The following HMMR variants were observed in gnomAD, a reference collection of about 807,000 sequenced individuals.
HMMR encodes hyaluronan mediated motility receptor.
In HMMR, 108 loss-of-function variants were observed where a neutral mutation model predicts 101.0. The ratio of observed to expected loss-of-function variants is 1.07; its 90% CI spans 0.92 to 1.25. HMMR has a LOEUF of 1.25. Among genes scored for constraint, HMMR ranks in the 50% most tolerant of loss-of-function variants. HMMR has a pLI of 0.00. For missense variants in HMMR, 813 were observed against 788.7 expected, an observed-to-expected ratio of 1.03 and a Z score of -0.37; for synonymous variants, 296 against 276.4, an observed-to-expected ratio of 1.07 and a Z score of -0.70.
rs146876529 is a variant in HMMR at position 163,468,164 on chromosome 5, G to A, written c.273+416G>A. 1.3e-4 allele frequency among the ~76,000 whole-genome samples: 20 copies of A among 152,324 alleles called. No individual in the cohort carries two copies. In the East Asian group the frequency reaches 2.5e-3, roughly 19 times the overall value. The stretch of plus-strand genomic sequence containing the variant: ...GACTGTGATGAAGTTAGGCTAACTC[G>A]ATGCATTGCTCTGCACAATAGGTAT... On this transcript the variant is annotated intron_variant, in intron 4 of 17. Coordinates refer to ENST00000393915, the MANE Select transcript of HMMR (RefSeq NM_001142556.2).
Position 163,483,324 on chromosome 5 carries a change from G to T in HMMR, c.1742G>T (p.Arg581Leu), listed in dbSNP as rs759515223. ...TTAACTGAAGAAATTAACAAGTGGC[G>T]TCTCCTCTATGAAGAACTATATAAT... is the stretch of plus-strand genomic sequence containing the variant. ...AELTEEINKW[R>L]LLYEELYNKT... The change falls in exon 15 of 18, where the codon CGT becomes CTT. Residue 581 changes from arginine (R) to leucine (L), a missense_variant. Arg to Leu is a moderately radical substitution (Grantham distance 102). Coordinates refer to ENST00000393915, the MANE Select transcript of HMMR (RefSeq NM_001142556.2). 2.2e-5 allele frequency: 35 copies of T among 1,608,900 alleles called. No homozygotes were observed. The highest frequency in any genetic ancestry group is 2.9e-5 in the Non-Finnish European group (34 of 1,175,738).
At chr5:163,471,984 C>G (rs1467275088) in intron 7 of HMMR, among the ~76,000 whole-genome samples, 2 of 152,022 alleles carry the variant, frequency 1.3e-5, no homozygotes, top group Non-Finnish European at 2.9e-5. Context: ...TCCCCATCCC[C>G]ATAACTACTT....
intron 5 of HMMR, 72 bp from the exon 6 acceptor site, chr5:163,471,113 C>A: frequency 1.1e-6 from 1 of 939,710 alleles, no homozygotes; most frequent in Non-Finnish European, 1.6e-6. Flanking sequence ...GTAGAAAAAT[C>A]AATATTTGTG....
At chr5:163,467,650 C>A in intron 3 of HMMR, 51 bp from the exon 4 acceptor site, 2 of 1,031,978 alleles carry the variant, frequency 1.9e-6, no homozygotes, top group South Asian at 1.3e-5. Context: ...ATTTGGCTGT[C>A]ATATCTGTGA....
In HMMR at chr5:163,490,654, AC is replaced by A. The variant is rs893200833; in HGVS notation, c.2125+104del. ...TTATGAACTGTGAAAATTTGTTGAC[AC>A]CTTCTGATAAAAGCAGTTCTTACTG... On this transcript the variant is annotated intron_variant, in intron 17 of 17. Coordinates refer to ENST00000393915, the MANE Select transcript of HMMR (RefSeq NM_001142556.2). 3.6e-5 allele frequency: 30 copies of A among 840,198 alleles called. No individual in the cohort carries two copies. The African/African-American group carries it at 4.7e-4, about 13-fold the overall frequency. The allele number at this position is 840,198 out of a possible 1,614,324, so 52.0% of individuals were successfully genotyped here. A position where few individuals can be genotyped will look rare whatever the true frequency, so the allele number is the denominator to read the frequency against.
At chr5:163,480,765 G>T (rs1759225902) in intron 12 of HMMR, among the ~76,000 whole-genome samples, 1 of 152,058 alleles carries the variant, frequency 6.6e-6, no homozygotes, top group Non-Finnish European at 1.5e-5. Context: ...TCCATAAAAT[G>T]CTTGTTTATG....
At chr5:163,487,059 T>A (rs1209180671) in intron 16 of HMMR, among the ~76,000 whole-genome samples, 1 of 152,102 alleles carries the variant, frequency 6.6e-6, no homozygotes, top group Non-Finnish European at 1.5e-5. Flanking sequence ...AGCGAAACAA[T>A]CTAAAAAAAA....
Position 163,467,689 on chromosome 5 carries a change from G to T in HMMR, c.226-12G>T, listed in dbSNP as rs202024983. 2.8e-5 allele frequency: 41 copies of T among 1,482,742 alleles called. No homozygotes were observed. In the East Asian group the frequency reaches 8.7e-4, roughly 31 times the overall value. 91.8% of individuals were successfully genotyped at this position (1,482,742 alleles called of 1,614,324 possible). On this transcript the variant is annotated splice_polypyrimidine_tract_variant and intron_variant, in intron 3 of 17. Coordinates refer to ENST00000393915, the MANE Select transcript of HMMR (RefSeq NM_001142556.2). ...CTAAATTTGCTTATAAGTTTTTTTG[G>T]CTTTTAAACAGAAGGAATCTCAAAA...
rs182604778 is a variant in HMMR at position 163,490,405 on chromosome 5, C to T, written c.1978C>T (p.Arg660Cys). 1.8e-5 allele frequency: 29 copies of T among 1,577,490 alleles called. No individual in the cohort carries two copies. The Middle Eastern group carries it at 5.2e-4, about 28-fold the overall frequency. ...TTTTACCTAGGAAGTATCAAAACTC[C>T]GCTGTCAGCTTGCTAAAAAAAAACA... Reference protein sequence around the residue: ...SQLKSEVSKLRCQLAKKKQSE... With the variant: ...SQLKSEVSKLCCQLAKKKQSE... The change falls in exon 17 of 18, where the codon CGC becomes TGC. Residue 660 changes from arginine (R) to cysteine (C), a missense_variant. Physicochemically the swap from Arg to Cys is radical, Grantham distance 180. Transcript: ENST00000393915.
At chr5:163,478,644 G>T (rs368911197) in intron 11 of HMMR, 40 bp from the exon 12 acceptor site, 216 of 1,150,542 alleles carry the variant, frequency 1.9e-4, no homozygotes, top group Non-Finnish European at 2.6e-4. Flanking sequence ...GGTAGTAATT[G>T]TAGGTGGCAT....
At chr5:163,470,812 A>C (rs989550538) in intron 5 of HMMR, among the ~76,000 whole-genome samples, 5 of 152,108 alleles carry the variant, frequency 3.3e-5, no homozygotes, top group African/African-American at 1.2e-4. Context: ...CAACATATCA[A>C]GACCCCATCT....
In HMMR at chr5:163,491,838, C is replaced by T. The variant is rs918550718; in HGVS notation, c.*674C>T. ...TGAGAAACTCTACATGTAACTATTT[C>T]TTCAGAGTTTGTCATATACTGCTTG... On this transcript the variant is annotated 3_prime_UTR_variant, in exon 18 of 18. Coordinates refer to ENST00000393915, the MANE Select transcript of HMMR (RefSeq NM_001142556.2). 7.9e-5 allele frequency: 12 copies of T among 152,194 alleles called. No homozygotes were observed. The highest frequency in any genetic ancestry group is 2.7e-4 in the African/African-American group (11 of 41,448). The allele number at this position is 152,194 out of a possible 1,614,324, so 9.4% of individuals were successfully genotyped here. A position where few individuals can be genotyped will look rare whatever the true frequency, so the allele number is the denominator to read the frequency against.
intron 12 of HMMR, among the ~76,000 whole-genome samples, 174 bp downstream of exon 12, chr5:163,478,974 A>T (rs914678348): frequency 6.6e-6 from 1 of 152,310 alleles, no homozygotes; most frequent in South Asian, 2.1e-4. Flanking sequence ...TATTGTATTT[A>T]TATAATTCCC....
At chr5:163,489,894 C>T (rs1249130304) in intron 16 of HMMR, among the ~76,000 whole-genome samples, 1 of 152,164 alleles carries the variant, frequency 6.6e-6, no homozygotes, top group Non-Finnish European at 1.5e-5. Flanking sequence ...GTGGACTTTG[C>T]CTTGCTAAGC....
At chr5:163,464,901 G>A in intron 3 of HMMR, 99 bp downstream of exon 3, 1 of 714,448 alleles carries the variant, frequency 1.4e-6, no homozygotes, top group Non-Finnish European at 2.4e-6. Flanking sequence ...TATGAATCAA[G>A]GTTATAAGTA....
chr5:163,468,387 A>C (rs1758766728), intron 4 of HMMR, among the ~76,000 whole-genome samples: 1 of 152,232 alleles, frequency 6.6e-6, no homozygotes, highest in East Asian at 1.9e-4. Flanking sequence ...ATTTCTATTG[A>C]ACAGTACTAA....
intron 11 of HMMR, 67 bp downstream of exon 11, chr5:163,475,739 A>G: frequency 1.4e-6 from 1 of 700,156 alleles, no homozygotes; most frequent in Non-Finnish European, 2.3e-6. Context: ...TACTTTTTTT[A>G]GTATTCTCTT....
chr5:163,473,508 A>C lies in HMMR; in HGVS notation c.855A>C (p.Lys285Asn). 4 of 1,592,756 alleles carry C rather than the reference A, an allele frequency of 2.5e-6. No individual in the cohort carries two copies. Among genetic ancestry groups the C allele is most frequent in the South Asian group, 2.3e-5 (2 of 88,588 alleles). Reference sequence around the variant, plus strand: ...AGGAGAATATTGTTATATTATCTAAACAAGTAGAAGATCTAAATGTGAAAT... The same window carrying C: ...AGGAGAATATTGTTATATTATCTAACCAAGTAGAAGATCTAAATGTGAAAT... ...SLEENIVILS[K>N]QVEDLNVKCQ... Residue 285 changes from lysine (K) to asparagine (N), a missense_variant, in exon 9 of 18, where the codon AAA becomes AAC. By Grantham distance (94) the Lys-to-Asn change is moderately conservative. Transcript: ENST00000393915.
rs1324630507 is a variant in HMMR, at chr5:163,483,322, G to T, written c.1740G>T (p.Trp580Cys). Reference sequence around the variant, plus strand: ...AATTAACTGAAGAAATTAACAAGTGGCGTCTCCTCTATGAAGAACTATATA... The same window carrying T: ...AATTAACTGAAGAAATTAACAAGTGTCGTCTCCTCTATGAAGAACTATATA... Reference protein sequence around the residue: ...TAELTEEINKWRLLYEELYNK... With the variant: ...TAELTEEINKCRLLYEELYNK... Residue 580 changes from tryptophan to cysteine, a missense_variant, in exon 15 of 18, where the codon TGG becomes TGT. Coordinates refer to ENST00000393915, the MANE Select transcript of HMMR (RefSeq NM_001142556.2). 1.2e-6 allele frequency: 2 copies of T among 1,610,016 alleles called. No homozygotes were observed. The highest frequency in any genetic ancestry group is 3.3e-5 in the Admixed American group (2 of 59,904).
Sources: gnomAD v4.1 joint callset for allele counts (sites outside exome capture counted in the v4.1 genomes callset) on GRCh38, gnomAD v4.1.1 for gene constraint, MANE v1.5 for transcripts, NCBI Gene and HGNC (gene_info 2026-07-23, HGNC 2026-07-21) for gene names.